The following SEMA3E variants were observed in gnomAD, a reference collection of about 807,000 sequenced individuals.
SEMA3E encodes the protein semaphorin-3E.
In SEMA3E, 49 loss-of-function variants were observed where a neutral mutation model predicts 93.6. The ratio of observed to expected loss-of-function variants is 0.52; its 90% CI spans 0.42 to 0.66. SEMA3E has a LOEUF of 0.66. Among genes scored for constraint, SEMA3E ranks in the 30% least tolerant of loss-of-function variants. The probability of loss-of-function intolerance (pLI) is 0.00; values close to 1 mark genes in which losing one functional copy is unlikely to be tolerated. For synonymous variants in SEMA3E, 363 were observed against 330.7 expected (o/e 1.10, Z -1.06); for missense variants, 906 against 964.8 (o/e 0.94, Z 0.81).
chr7:83,392,757 G>A (rs371096107), intron 13 of SEMA3E, 36 bp from the exon 14 acceptor site: 54 of 1,600,602 alleles, frequency 3.4e-5, no homozygotes, highest in Non-Finnish European at 4.2e-5. Context: ...AGCAGAAATG[G>A]ACAAAACTTT....
At chr7:83,483,481 T>C (rs1790189879) in intron 2 of SEMA3E, among the ~76,000 whole-genome samples, 1 of 152,256 alleles carries the variant, frequency 6.6e-6, no homozygotes, top group Admixed American at 6.5e-5. Context: ...TTTTACTTTG[T>C]AATTCTACAT....
chr7:83,564,333 C>A (rs1352792304), intron 1 of SEMA3E, among the ~76,000 whole-genome samples: 2 of 152,016 alleles, frequency 1.3e-5, no homozygotes, highest in East Asian at 3.9e-4. Flanking sequence ...ACAGGAGAAT[C>A]ACTTGAACTT....
Position 83,405,544 on chromosome 7 carries a change from C to T in SEMA3E, c.929-25G>A, listed in dbSNP as rs200677098. On this transcript the variant is annotated intron_variant, in intron 8 of 16. Coordinates refer to ENST00000643230, the MANE Select transcript of SEMA3E (RefSeq NM_012431.3). Reference sequence around the variant, plus strand: ...TCTGAAAAATTAAAGGCCATTCCATCGCTTAGTATTTTTAGCTCTCTTTGC... The same window carrying T: ...TCTGAAAAATTAAAGGCCATTCCATTGCTTAGTATTTTTAGCTCTCTTTGC... 38 of 1,596,832 alleles carry T rather than the reference C, an allele frequency of 2.4e-5. No homozygotes were observed. In the East Asian group the frequency reaches 3.1e-4, roughly 13 times the overall value.
intron 4 of SEMA3E, 24 bp from the exon 5 acceptor site, chr7:83,418,507 A>T (rs1788603784): frequency 6.9e-7 from 1 of 1,446,026 alleles, no homozygotes; most frequent in African/African-American, 1.4e-5. Context: ...CAGAAAAATC[A>T]TTATGAATAT....
chr7:83,402,547 C>T (rs1788251291), intron 10 of SEMA3E, 85 bp downstream of exon 10: 2 of 1,263,048 alleles, frequency 1.6e-6, no homozygotes, highest in Middle Eastern at 2.2e-4. Flanking sequence ...AATTGTTTAT[C>T]TGCAAAGTCT....
chr7:83,522,041 G>C (rs972841036), intron 1 of SEMA3E, among the ~76,000 whole-genome samples: 3 of 152,144 alleles, frequency 2.0e-5, no homozygotes, highest in East Asian at 3.9e-4. Flanking sequence ...CTATTATAAA[G>C]ATATTTATAC....
chr7:83,437,288 C>T (rs551698532), intron 4 of SEMA3E, among the ~76,000 whole-genome samples: 1 of 152,058 alleles, frequency 6.6e-6, no homozygotes, highest in East Asian at 1.9e-4. Context: ...CAACCTTGTA[C>T]TAAAATTTCA....
At chr7:83,386,713 A>G (rs1787890337) in intron 15 of SEMA3E, among the ~76,000 whole-genome samples, 2 of 152,170 alleles carry the variant, frequency 1.3e-5, no homozygotes, top group Non-Finnish European at 2.9e-5. Context: ...CACCTAAAGT[A>G]TGCAGCATTC....
rs115415764 is a variant in SEMA3E at position 83,420,753 on chromosome 7, G to A, written c.457-2270C>T. On this transcript the variant is annotated intron_variant, in intron 4 of 16. Coordinates refer to ENST00000643230, the MANE Select transcript of SEMA3E (RefSeq NM_012431.3). ...ACTCCCTATTCAATAATTGGCACTG[G>A]GATTGCTGGCTAGCCATACGCAGAA... is the stretch of plus-strand genomic sequence containing the variant. Among the ~76,000 whole-genome samples, 1,473 of 152,230 alleles carry A rather than the reference G, an allele frequency of 9.7e-3. 24 individuals are homozygous for A. Among genetic ancestry groups the A allele is most frequent in the African/African-American group, 0.033 (1,373 of 41,522 alleles).
intron 2 of SEMA3E, among the ~76,000 whole-genome samples, chr7:83,486,781 C>A (rs1324604972): frequency 6.6e-6 from 1 of 152,062 alleles, no homozygotes; most frequent in Non-Finnish European, 1.5e-5. Context: ...CTGGTACCTG[C>A]CCAGACTGGC....
intron 1 of SEMA3E, among the ~76,000 whole-genome samples, chr7:83,588,979 ATGT>A (rs1379394333): frequency 1.3e-5 from 2 of 152,098 alleles, no homozygotes; most frequent in African/African-American, 4.8e-5. Context: ...TAAGGAGGTG[ATGT>A]TGTCACTTCC....
chr7:83,383,976 C>G (rs911050901), intron 16 of SEMA3E, among the ~76,000 whole-genome samples: 1 of 152,012 alleles, frequency 6.6e-6, no homozygotes, highest in African/African-American at 2.4e-5. Context: ...AAATCAACAA[C>G]TTAACTCAGT....
chr7:83,572,611 C>G (rs553933001), intron 1 of SEMA3E, among the ~76,000 whole-genome samples: 2 of 151,912 alleles, frequency 1.3e-5, no homozygotes. Context: ...TGCACTCCAG[C>G]CTGGAGATGG....
chr7:83,647,862 C>T (rs944689186), intron 1 of SEMA3E, among the ~76,000 whole-genome samples: 1 of 152,096 alleles, frequency 6.6e-6, no homozygotes, highest in African/African-American at 2.4e-5. Context: ...AACTGGAAAA[C>T]TAATTTATAT....
intron 3 of SEMA3E, 110 bp from the exon 4 acceptor site, chr7:83,466,711 C>A: frequency 7.2e-7 from 1 of 1,389,420 alleles, no homozygotes; most frequent in South Asian, 1.2e-5. Flanking sequence ...CCGTAAATCT[C>A]TGTTGGGTGA....
At chr7:83,497,114 A>T (rs1369478066) in intron 1 of SEMA3E, among the ~76,000 whole-genome samples, 3 of 152,156 alleles carry the variant, frequency 2.0e-5, no homozygotes, top group Admixed American at 6.6e-5. Context: ...GTCAATGAAG[A>T]TATACTCTGA....
At chr7:83,621,516 T>C (rs372429869) in intron 1 of SEMA3E, among the ~76,000 whole-genome samples, 1 of 151,886 alleles carries the variant, frequency 6.6e-6, no homozygotes, top group African/African-American at 2.4e-5. Context: ...CATATGGAAC[T>C]AAAAAAGAGC....
chr7:83,511,035 TA>T (rs960105778), intron 1 of SEMA3E, among the ~76,000 whole-genome samples: 3 of 152,116 alleles, frequency 2.0e-5, no homozygotes, highest in Non-Finnish European at 4.4e-5. Flanking sequence ...GGACTAAACT[TA>T]AAAAAATAAG....
At chr7:83,489,547 G>C (rs889485114) in intron 2 of SEMA3E, among the ~76,000 whole-genome samples, 4 of 152,010 alleles carry the variant, frequency 2.6e-5, no homozygotes, top group African/African-American at 7.2e-5. Context: ...ATTTATATGA[G>C]TCTAAGAAAA....
Sources: allele counts gnomAD v4.1 joint callset (sites outside exome capture counted in the v4.1 genomes callset), GRCh38; gene constraint gnomAD v4.1.1; transcripts MANE v1.5; gene names NCBI Gene and HGNC (gene_info 2026-07-23, HGNC 2026-07-21).